Variants in TLE2 observed in about 807,000 individuals in gnomAD.
TLE2 encodes the protein transducin-like enhancer protein 2.
A neutral mutation model predicts 97.2 loss-of-function variants in TLE2; 74 were observed. The observed-to-expected ratio is 0.76, with a 90% CI of 0.63 to 0.92. The LOEUF (loss-of-function observed/expected upper bound fraction) is 0.92, where lower values mean the gene tolerates loss of function less well. Ranked by LOEUF, TLE2 falls within the 40% of genes least tolerant of loss-of-function variation. The pLI is 0.00. For missense variants in TLE2, 1,038 were observed against 1,008.7 expected (o/e 1.03, Z -0.39); for synonymous variants, 499 against 432.1 (o/e 1.15, Z -1.92).
At chr19:3,027,928 C>T in intron 3 of TLE2, 55 bp from the exon 4 acceptor site, 1 of 1,545,740 alleles carries the variant, frequency 6.5e-7, no homozygotes, top group Non-Finnish European at 8.8e-7. Flanking sequence ...TGCCCTCCTC[C>T]AGATAGGTGA....
rs1176582277 is a variant in TLE2 at position 3,006,353 on chromosome 19, G to GC, written c.1500+66dup. The GC allele has an allele frequency of 3.2e-6, 5 of 1,557,698 alleles. No homozygotes were observed. The East Asian group carries it at 1.1e-4, about 36-fold the overall frequency. ...CACCCACGGCCAGCCTGCGAACACC[G>GC]CCCCATTGGAACATAAGCCCCACCC... On this transcript the variant is annotated intron_variant, in intron 15 of 19. Coordinates refer to ENST00000262953, the MANE Select transcript of TLE2 (RefSeq NM_003260.5).
At chr19:3,000,099 CCTCA>C (rs879649407) in intron 19 of TLE2, among the ~76,000 whole-genome samples, 2 of 150,876 alleles carry the variant, frequency 1.3e-5, no homozygotes, top group Non-Finnish European at 2.9e-5. Flanking sequence ...TGAGGCAGAG[CCTCA>C]CTCTGTCGCC....
At chr19:3,009,954 G>A (rs12461656) in intron 12 of TLE2, among the ~76,000 whole-genome samples, 30,986 of 150,396 alleles carry the variant, frequency 0.21, 3,367 homozygotes, top group Admixed American at 0.24. Context: ...GCGCGATCTC[G>A]GCTCACTGAA....
chr19:3,000,171 A>G (rs1387396080), intron 19 of TLE2, among the ~76,000 whole-genome samples: 1 of 151,424 alleles, frequency 6.6e-6, no homozygotes, highest in Non-Finnish European at 1.5e-5. Context: ...TCCTGGGTTC[A>G]TGCCATTCTC....
chr19:3,028,810 G>A lies in TLE2; in HGVS notation c.25-7C>T, dbSNP rs202144655. 199 of 1,612,346 alleles carry A rather than the reference G, an allele frequency of 1.2e-4. No homozygotes were observed. The highest frequency in any genetic ancestry group is 3.3e-4 in the Middle Eastern group (2 of 6,020). On this transcript the variant is annotated splice_region_variant and splice_polypyrimidine_tract_variant and intron_variant, in intron 1 of 19. Coordinates refer to ENST00000262953, the MANE Select transcript of TLE2 (RefSeq NM_003260.5). ...GGCCGGACTGGAGCGGGGTCTGGGG[G>A]GGGTGTGGGGGAAACGTCAGGGTCT...
rs779539395 is a variant in TLE2 at position 3,028,788 on chromosome 19, C to T, written c.40G>A (p.Gly14Ser). The change falls in exon 2 of 20, where the codon GGC becomes AGC. Residue 14 changes from glycine to serine, a missense_variant. Gly to Ser is a moderately conservative substitution (Grantham distance 56). Coordinates refer to ENST00000262953, the MANE Select transcript of TLE2 (RefSeq NM_003260.5). Reference sequence around the variant, plus strand: ...AAGATCGAGAACTTGAAGGGCTGGCCGGACTGGAGCGGGGTCTGGGGGGGG... The same window carrying T: ...AAGATCGAGAACTTGAAGGGCTGGCTGGACTGGAGCGGGGTCTGGGGGGGG... ...QGRHPTPLQS[G>S]QPFKFSILEI... 4.3e-6 allele frequency: 7 copies of T among 1,610,936 alleles called. No individual in the cohort carries two copies. The highest frequency in any genetic ancestry group is 5.9e-6 in the Non-Finnish European group (7 of 1,178,440).
At chr19:3,039,007 C>T (rs1231392254) in intron 1 of TLE2, among the ~76,000 whole-genome samples, 1 of 150,970 alleles carries the variant, frequency 6.6e-6, no homozygotes, top group Non-Finnish European at 1.5e-5. Flanking sequence ...CGCACCATTG[C>T]ACTCCAGCCT....
At chr19:3,039,938 C>T (rs1033674561) in intron 1 of TLE2, among the ~76,000 whole-genome samples, 6 of 152,290 alleles carry the variant, frequency 3.9e-5, no homozygotes, top group Non-Finnish European at 7.4e-5. Context: ...ATTATAGAAA[C>T]GTCTCATTGA....
intron 14 of TLE2, among the ~76,000 whole-genome samples, chr19:3,007,964 C>CAGGT (rs1599205618): frequency 6.6e-6 from 1 of 151,902 alleles, no homozygotes; most frequent in Non-Finnish European, 1.5e-5. Flanking sequence ...TGCCTGTAAT[C>CAGGT]CCAGCTACTC....
In TLE2 at chr19:3,005,492, C is replaced by T. The variant is rs568657687; in HGVS notation, c.1841G>A (p.Arg614His). The T allele has an allele frequency of 1.2e-6, 2 of 1,613,720 alleles. No individual in the cohort carries two copies. Among genetic ancestry groups the T allele is most frequent in the Admixed American group, 1.7e-5 (1 of 60,000 alleles). ...LWTGGLDNTV[R>H]CWDLREGRQL... is the part of the protein sequence containing the mutation. The stretch of plus-strand genomic sequence containing the variant: ...GCGGCCCTCCCGCAGGTCCCAGCAG[C>T]GCACCGTGTTGTCCAGGCCCCCTGT... The change falls in exon 17 of 20, where the codon CGC becomes CAC. Residue 614 changes from arginine (R) to histidine (H), a missense_variant. Physicochemically the swap from Arg to His is conservative, Grantham distance 29. Coordinates refer to ENST00000262953, the MANE Select transcript of TLE2 (RefSeq NM_003260.5).
intron 3 of TLE2, among the ~76,000 whole-genome samples, 192 bp from the exon 4 acceptor site, chr19:3,028,065 C>G (rs914985415): frequency 8.5e-5 from 13 of 152,188 alleles, no homozygotes; most frequent in African/African-American, 3.1e-4. Context: ...TCTACTCTCC[C>G]CAGAGAGGCA....
chr19:3,045,563 T>C (rs1412994189), intron 1 of TLE2, among the ~76,000 whole-genome samples: 1 of 152,122 alleles, frequency 6.6e-6, no homozygotes, highest in African/African-American at 2.4e-5. Flanking sequence ...ACACCTGTAA[T>C]CCCAACACTT....
chr19:3,007,540 G>A (rs1175656226), intron 14 of TLE2, among the ~76,000 whole-genome samples: 1 of 152,158 alleles, frequency 6.6e-6, no homozygotes, highest in Non-Finnish European at 1.5e-5. Flanking sequence ...GTGAGCCATG[G>A]TGCTCGGCCT....
At chr19:3,014,496 G>A in intron 10 of TLE2, 74 bp downstream of exon 10, 1 of 1,365,058 alleles carries the variant, frequency 7.3e-7, no homozygotes, top group Non-Finnish European at 9.7e-7. Flanking sequence ...CTACCTCTGG[G>A]TCCTCCCAGT....
intron 4 of TLE2, 83 bp from the exon 5 acceptor site, chr19:3,025,165 G>A: frequency 2.2e-6 from 3 of 1,390,852 alleles, no homozygotes; most frequent in Non-Finnish European, 2.9e-6. Flanking sequence ...ACCAGGTGTT[G>A]GCAAAGCCGA....
At chr19:3,017,940 C>T (rs2089749108) in intron 7 of TLE2, 81 bp from the exon 8 acceptor site, 3 of 1,405,776 alleles carry the variant, frequency 2.1e-6, no homozygotes, top group South Asian at 1.2e-5. Context: ...GGGTACAGCC[C>T]TCCAGTTTAT....
At chr19:3,004,475 C>G (rs775020913) in intron 17 of TLE2, among the ~76,000 whole-genome samples, 1 of 151,748 alleles carries the variant, frequency 6.6e-6, no homozygotes, top group African/African-American at 2.4e-5. Context: ...CTGTCTCTAC[C>G]GACAAATACA....
At chr19:3,017,176 C>T (rs774297395) in intron 8 of TLE2, among the ~76,000 whole-genome samples, 72 of 152,112 alleles carry the variant, frequency 4.7e-4, no homozygotes, top group African/African-American at 8.4e-4. Context: ...CTCATACTGT[C>T]GCACAGGCTG....
chr19:3,033,718 C>A (rs1436737690), upstream of TLE2, among the ~76,000 whole-genome samples: 2 of 152,102 alleles, frequency 1.3e-5, no homozygotes, highest in Admixed American at 1.3e-4. Flanking sequence ...CCTGTCCGGG[C>A]GGCCCTCTTC....
Sources: allele counts gnomAD v4.1 joint callset (sites outside exome capture counted in the v4.1 genomes callset), GRCh38; gene constraint gnomAD v4.1.1; transcripts MANE v1.5; gene names NCBI Gene and HGNC (gene_info 2026-07-23, HGNC 2026-07-21).